AUTS2: variants seen among roughly 807,000 people sequenced by gnomAD.
The protein encoded by AUTS2 is activator of transcription and developmental regulator AUTS2.
Under a neutral mutation model 112.4 loss-of-function variants are expected in AUTS2, and 17 were observed. That is an observed-to-expected ratio of 0.15 (90% CI 0.10 to 0.23). AUTS2 has a LOEUF of 0.23. AUTS2 is among the 10% of genes least tolerant of loss of function. The pLI is 1.00. For synonymous variants in AUTS2, 751 were observed against 702.7 expected (o/e 1.07, Z -1.09); for missense variants, 1,510 against 1,701.6 (o/e 0.89, Z 1.98).
chr7:70,500,090 C>T (rs139984494), intron 5 of AUTS2, among the ~76,000 whole-genome samples: 83 of 151,992 alleles, frequency 5.5e-4, no homozygotes, highest in Non-Finnish European at 9.4e-4. Context: ...CTGTCATTTC[C>T]TAATCACAAC....
At chr7:69,985,951 C>G (rs1052454244) in intron 2 of AUTS2, among the ~76,000 whole-genome samples, 9 of 151,958 alleles carry the variant, frequency 5.9e-5, no homozygotes, top group Non-Finnish European at 1.0e-4. Context: ...TTTGTAGAGT[C>G]AGGGTCTTAC....
At chr7:70,020,888 C>G (rs564229027) in intron 2 of AUTS2, among the ~76,000 whole-genome samples, 1 of 152,278 alleles carries the variant, frequency 6.6e-6, no homozygotes, top group East Asian at 1.9e-4. Flanking sequence ...CTAGGCTAGT[C>G]TTGAACTCCT....
chr7:69,956,680 C>T (rs1334730765), intron 2 of AUTS2, among the ~76,000 whole-genome samples: 4 of 152,116 alleles, frequency 2.6e-5, no homozygotes, highest in African/African-American at 9.7e-5. Flanking sequence ...CAGCATCACT[C>T]GGGCTGTGAA....
chr7:70,166,146 C>A (rs1055545262), intron 4 of AUTS2, among the ~76,000 whole-genome samples: 8 of 152,106 alleles, frequency 5.3e-5, no homozygotes, highest in African/African-American at 1.9e-4. Flanking sequence ...GTCGATTAAA[C>A]CTCTTTTCTT....
At chr7:69,972,438 G>A (rs957763331) in intron 2 of AUTS2, among the ~76,000 whole-genome samples, 1 of 152,100 alleles carries the variant, frequency 6.6e-6, no homozygotes, top group Non-Finnish European at 1.5e-5. Flanking sequence ...CTTCCTCAGA[G>A]TAGAAGTTTT....
intron 4 of AUTS2, among the ~76,000 whole-genome samples, chr7:70,203,580 A>G (rs1810415517): frequency 1.4e-5 from 2 of 147,652 alleles, no homozygotes; most frequent in South Asian, 4.4e-4. Context: ...TAAGAAGCAA[A>G]AGACATTTCC....
intron 4 of AUTS2, among the ~76,000 whole-genome samples, chr7:70,267,320 A>C (rs749432618): frequency 8.6e-5 from 13 of 152,024 alleles, no homozygotes; most frequent in Non-Finnish European, 1.6e-4. Context: ...GTATTCAAAA[A>C]ACTTTTCTCT....
intron 5 of AUTS2, among the ~76,000 whole-genome samples, chr7:70,605,546 CTTTTTTTTTTTT>C: frequency 5.7e-5 from 4 of 70,664 alleles, no homozygotes; most frequent in African/African-American, 2.6e-4. Flanking sequence ...CCTTCTTTCT[CTTTTTTTTTTTT>C]TTTTTTTTGG....
intron 2 of AUTS2, among the ~76,000 whole-genome samples, chr7:69,923,650 G>A (rs868706021): frequency 6.6e-6 from 1 of 152,114 alleles, no homozygotes; most frequent in South Asian, 2.1e-4. Context: ...GTACTTTTCA[G>A]TATATAAGCC....
At chr7:70,531,521 A>G (rs1800089240) in intron 5 of AUTS2, among the ~76,000 whole-genome samples, 2 of 152,172 alleles carry the variant, frequency 1.3e-5, no homozygotes, top group South Asian at 4.1e-4. Context: ...GGAAGCTTTT[A>G]TTCATGGCAG....
chr7:70,084,724 A>AT (rs1277254712), intron 2 of AUTS2, among the ~76,000 whole-genome samples: 3 of 152,098 alleles, frequency 2.0e-5, no homozygotes, highest in Non-Finnish European at 4.4e-5. Flanking sequence ...TAAAAATTAC[A>AT]TTTTTTTCTT....
intron 2 of AUTS2, among the ~76,000 whole-genome samples, chr7:69,970,916 T>A (rs1007505420): frequency 7.9e-5 from 12 of 152,208 alleles, no homozygotes; most frequent in Non-Finnish European, 1.5e-5. Context: ...CTCATCCTTA[T>A]AATCCCAGCA....
At chr7:70,153,612 G>A (rs1244242906) in intron 4 of AUTS2, among the ~76,000 whole-genome samples, 1 of 152,118 alleles carries the variant, frequency 6.6e-6, no homozygotes, top group Non-Finnish European at 1.5e-5. Flanking sequence ...GTTTTAAAAT[G>A]ATTATAAAAA....
At chr7:70,465,439 G>C (rs1411617134) in intron 5 of AUTS2, among the ~76,000 whole-genome samples, 4 of 152,202 alleles carry the variant, frequency 2.6e-5, no homozygotes, top group African/African-American at 4.8e-5. Context: ...CCAGAAGCTG[G>C]AGAAATGTGA....
At chr7:70,545,518 T>G (rs1404062823) in intron 5 of AUTS2, among the ~76,000 whole-genome samples, 2 of 152,230 alleles carry the variant, frequency 1.3e-5, no homozygotes, top group African/African-American at 2.4e-5. Context: ...GGTGCTCCAG[T>G]GCACTGAGAA....
chr7:69,658,460 G>A (rs1232969378), intron 1 of AUTS2, among the ~76,000 whole-genome samples: 5 of 152,122 alleles, frequency 3.3e-5, no homozygotes, highest in Non-Finnish European at 5.9e-5. Context: ...GTAGTGGTTC[G>A]TTTATTAGAG....
At chr7:69,924,740 G>A (rs772542371) in intron 2 of AUTS2, among the ~76,000 whole-genome samples, 87 of 152,176 alleles carry the variant, frequency 5.7e-4, no homozygotes, top group Middle Eastern at 3.4e-3. Flanking sequence ...TAGTAGAGAT[G>A]AGGTTTCTCC....
At chr7:70,354,321 A>G (rs1167111632) in intron 4 of AUTS2, among the ~76,000 whole-genome samples, 2 of 152,248 alleles carry the variant, frequency 1.3e-5, no homozygotes, top group Admixed American at 6.5e-5. Context: ...TTCAAATAGA[A>G]TATTTCCTAA....
chr7:69,953,562 C>A (rs1432877647), intron 2 of AUTS2, among the ~76,000 whole-genome samples: 1 of 152,092 alleles, frequency 6.6e-6, no homozygotes, highest in Non-Finnish European at 1.5e-5. Flanking sequence ...AGGTTGTGTT[C>A]GGCAGCTGGA....
Sources: allele counts gnomAD v4.1 joint callset (sites outside exome capture counted in the v4.1 genomes callset), GRCh38; gene constraint gnomAD v4.1.1; transcripts MANE v1.5; gene names NCBI Gene and HGNC (gene_info 2026-07-23, HGNC 2026-07-21).